LRCH3: variants seen among roughly 807,000 people sequenced by gnomAD.
LRCH3 encodes leucine rich repeats and calponin homology domain containing 3, also known as DISP complex protein LRCH3.
Under a neutral mutation model 104.5 loss-of-function variants are expected in LRCH3, and 68 were observed. The observed-to-expected ratio is 0.65, with a 90% CI of 0.54 to 0.80. The LOEUF (loss-of-function observed/expected upper bound fraction) is 0.80. Ranked by LOEUF, LRCH3 falls within the 30% of genes least tolerant of loss-of-function variation. LRCH3 has a pLI of 0.00. For missense variants in LRCH3, 951 were observed against 953.9 expected (o/e 1.00, Z 0.04); for synonymous variants, 344 against 361.3 (o/e 0.95, Z 0.54).
At chr3:197,880,959 C>T in intron 20 of LRCH3, 1 of 1,373,348 alleles carries the variant, frequency 7.3e-7, no homozygotes, top group Non-Finnish European at 9.4e-7. Context: ...CGTCCATTCT[C>T]CTGGCCTGTG....
At chr3:197,796,339 T>C (rs376411194) in intron 1 of LRCH3, among the ~76,000 whole-genome samples, 2 of 152,290 alleles carry the variant, frequency 1.3e-5, no homozygotes, top group East Asian at 3.9e-4. Context: ...CTGGGTAATG[T>C]AGAGGAAACA....
At chr3:197,851,429 TGAA>T (rs1290332019) in intron 12 of LRCH3, among the ~76,000 whole-genome samples, 1 of 151,996 alleles carries the variant, frequency 6.6e-6, no homozygotes, top group African/African-American at 2.4e-5. Flanking sequence ...AAGAGGAAAA[TGAA>T]GAAGGAAATT....
intron 11 of LRCH3, 24 bp from the exon 12 acceptor site, chr3:197,847,848 T>C: frequency 6.2e-7 from 1 of 1,609,960 alleles, no homozygotes; most frequent in Non-Finnish European, 8.5e-7. Context: ...TACTTTTGTA[T>C]GCACAATAAC....
intron 1 of LRCH3, among the ~76,000 whole-genome samples, chr3:197,795,698 T>TG (rs981721906): frequency 4.3e-5 from 6 of 139,034 alleles, no homozygotes; most frequent in African/African-American, 1.6e-4. Context: ...TTTTTTTTTT[T>TG]TTTTTTTTTT....
intron 8 of LRCH3, among the ~76,000 whole-genome samples, chr3:197,833,092 G>T (rs1053687110): frequency 1.1e-4 from 16 of 151,976 alleles, no homozygotes; most frequent in East Asian, 7.7e-4. Flanking sequence ...TTACATTTCA[G>T]TAGTTGTCTT....
chr3:197,836,607 G>A (rs2109317090), intron 9 of LRCH3, among the ~76,000 whole-genome samples: 1 of 152,226 alleles, frequency 6.6e-6, no homozygotes, highest in South Asian at 2.1e-4. Context: ...TTTGGTCTGA[G>A]ACAGCTAAAA....
chr3:197,809,533 TGA>T (rs1176469873), intron 1 of LRCH3, among the ~76,000 whole-genome samples: 8 of 152,084 alleles, frequency 5.3e-5, no homozygotes, highest in Admixed American at 4.6e-4. Context: ...TCTGATGACA[TGA>T]GTGTTAGATT....
At chr3:197,867,862 AAAAC>A (rs1247305866) in intron 17 of LRCH3, among the ~76,000 whole-genome samples, 14 of 152,028 alleles carry the variant, frequency 9.2e-5, no homozygotes, top group East Asian at 1.9e-4. Flanking sequence ...TTCAAAAACA[AAAAC>A]AAACAAACAA....
chr3:197,854,394 C>T lies in LRCH3; in HGVS notation c.1593C>T (p.Cys531=). ...HPLLDGVDGE[C]PFPSRRSQHT... ...TTCATTTTTCTCCATCTCTCCAGTG[C>T]CCCTTCCCATCCAGAAGGTCTCAGC... is the stretch of plus-strand genomic sequence containing the variant. Residue 531 remains cysteine (C), a splice_region_variant and synonymous_variant, in exon 14 of 21, where the codon TGC becomes TGT. Transcript: ENST00000425562. This position sits in a 1 kb window ranked among gnomAD's most constrained non-coding sequence, Gnocchi z 4.5. The T allele has an allele frequency of 1.2e-6, 2 of 1,613,926 alleles. No homozygotes were observed. The highest frequency in any genetic ancestry group is 1.7e-6 in the Non-Finnish European group (2 of 1,179,814).
In LRCH3 at chr3:197,820,175, C is replaced by A; in HGVS notation, c.535-150C>A. Reference sequence around the variant, plus strand: ...TATTCTGAATTTATTAATCTTCGAACCTGTAGGTAGTCTCTTTTCAGAACC... The same window carrying A: ...TATTCTGAATTTATTAATCTTCGAAACTGTAGGTAGTCTCTTTTCAGAACC... On this transcript the variant is annotated intron_variant, in intron 3 of 20. Transcript: ENST00000425562. 8.0e-6 allele frequency: 5 copies of A among 624,366 alleles called. No homozygotes were observed. In the Admixed American group the frequency reaches 1.2e-4, roughly 15 times the overall value. The allele number at this position is 624,366 out of a possible 1,614,324, so 38.7% of individuals were successfully genotyped here.
intron 14 of LRCH3, 78 bp from the exon 15 acceptor site, chr3:197,858,756 C>A: frequency 8.9e-7 from 1 of 1,123,338 alleles, no homozygotes; most frequent in Non-Finnish European, 1.4e-6. Flanking sequence ...TCTCATTTCA[C>A]TAGTCAGATC....
chr3:197,808,814 G>A (rs935389609), intron 1 of LRCH3, among the ~76,000 whole-genome samples: 1 of 151,944 alleles, frequency 6.6e-6, no homozygotes, highest in South Asian at 2.1e-4. Context: ...TGAGGTGGGA[G>A]GATCACTTGA....
chr3:197,801,425 G>C (rs1446526418), intron 1 of LRCH3, among the ~76,000 whole-genome samples: 1 of 152,100 alleles, frequency 6.6e-6, no homozygotes, highest in East Asian at 1.9e-4. Context: ...GGTTGTTCAT[G>C]TTATACTTTT....
chr3:197,882,230 A>G (rs1434422927), intron 20 of LRCH3: 1 of 985,392 alleles, frequency 1.0e-6, no homozygotes, highest in Non-Finnish European at 1.2e-6. Context: ...TGCTGAGAGG[A>G]AGAGACCAGG....
chr3:197,886,973 T>C lies in LRCH3; in HGVS notation c.*3307T>C, dbSNP rs1714248705. 1 of 152,218 alleles carries C rather than the reference T, an allele frequency of 6.6e-6. No individual in the cohort carries two copies. Among genetic ancestry groups the C allele is most frequent in the Admixed American group, 6.5e-5 (1 of 15,280 alleles). 9.4% of individuals were successfully genotyped at this position (152,218 alleles called of 1,614,324 possible). On this transcript the variant is annotated 3_prime_UTR_variant, in exon 21 of 21. Coordinates refer to ENST00000425562, the MANE Select transcript of LRCH3 (RefSeq NM_001365715.1). ...ATTTTGCACATATTATGAAACCTTA[T>C]TAATGTATTTTTATCAAACTAAATC... is the stretch of plus-strand genomic sequence containing the variant.
At chr3:197,852,528 CT>C in intron 12 of LRCH3, 32 bp from the exon 13 acceptor site, 1 of 1,610,328 alleles carries the variant, frequency 6.2e-7, no homozygotes, top group Non-Finnish European at 8.5e-7. Context: ...CTCTAACCAA[CT>C]TCCTTTTTTG....
chr3:197,869,071 A>G (rs1172529485), intron 17 of LRCH3, among the ~76,000 whole-genome samples: 1 of 152,260 alleles, frequency 6.6e-6, no homozygotes, highest in East Asian at 1.9e-4. Flanking sequence ...TCTGTTGTGT[A>G]TATTTGAAAA....
chr3:197,791,560 T>G lies in LRCH3; in HGVS notation c.262+20T>G. On this transcript the variant is annotated intron_variant, in intron 1 of 20. Coordinates refer to ENST00000425562, the MANE Select transcript of LRCH3 (RefSeq NM_001365715.1). ...GGGCGGGTGAGCGGGGCGGGGGGCG[T>G]CTCTGCCCGTCGGAGACCCGGCGCC... 6.6e-7 allele frequency: 1 copy of G among 1,519,894 alleles called. No individual in the cohort carries two copies. The highest frequency in any genetic ancestry group is 8.7e-7 in the Non-Finnish European group (1 of 1,143,290). 94.2% of individuals were successfully genotyped at this position (1,519,894 alleles called of 1,614,324 possible). A position where few individuals can be genotyped will look rare whatever the true frequency, so the allele number is the denominator to read the frequency against.
chr3:197,826,415 A>G (rs1434682584), intron 4 of LRCH3, among the ~76,000 whole-genome samples: 3 of 152,156 alleles, frequency 2.0e-5, no homozygotes, highest in Non-Finnish European at 4.4e-5. Flanking sequence ...GACTTTTGTC[A>G]TCCTATTGTG....
Sources: gnomAD v4.1 joint callset for allele counts (sites outside exome capture counted in the v4.1 genomes callset) on GRCh38, gnomAD v4.1.1 for gene constraint, Gnocchi (gnomAD v3.1) non-coding constraint, MANE v1.5 for transcripts, NCBI Gene and HGNC (gene_info 2026-07-23, HGNC 2026-07-21) for gene names.